Variants in SRD5A2 observed in about 807,000 individuals in gnomAD.
SRD5A2 encodes 3-oxo-5-alpha-steroid 4-dehydrogenase 2.
Under a neutral mutation model 27.4 loss-of-function variants are expected in SRD5A2, and 30 were observed. That is an observed-to-expected ratio of 1.10 (90% CI 0.82 to 1.49). The LOEUF (loss-of-function observed/expected upper bound fraction) is 1.49. Among genes scored for constraint, SRD5A2 ranks in the 40% most tolerant of loss-of-function variants. SRD5A2 has a pLI of 0.00. For missense variants in SRD5A2, 348 were observed against 323.4 expected (o/e 1.08, Z -0.58); for synonymous variants, 141 against 133.6 (o/e 1.06, Z -0.38).
chr2:31,639,665 T>G, the SRD5A2 span, among the ~76,000 whole-genome samples: 1 of 152,054 alleles, frequency 6.6e-6, no homozygotes. Context: ...CCTAAAATGT[T>G]GTTCCACTCC....
At chr2:31,534,013 TAATG>T (rs1430332880) in intron 1 of SRD5A2, among the ~76,000 whole-genome samples, 1 of 152,112 alleles carries the variant, frequency 6.6e-6, no homozygotes, top group African/African-American at 2.4e-5. Flanking sequence ...ATGTAATAAA[TAATG>T]AATAACATGT....
chr2:31,560,064 C>T (rs78390730), intron 1 of SRD5A2, among the ~76,000 whole-genome samples: 3 of 145,506 alleles, frequency 2.1e-5, no homozygotes, highest in Admixed American at 6.9e-5. Context: ...ATCCCCCCCC[C>T]CCCCTTTTTT....
intron 3 of SRD5A2, among the ~76,000 whole-genome samples, chr2:31,531,067 T>C (rs1558356657): frequency 6.6e-6 from 1 of 152,188 alleles, no homozygotes; most frequent in East Asian, 1.9e-4. Context: ...CAACCTTACC[T>C]ACTGCAATGA....
chr2:31,523,124 A>G lies in SRD5A2; in HGVS notation c.*3072T>C. Reference sequence around the variant, plus strand: ...TTTATGAAAGTAAGCATTAGGGATAAGGGGGTTTATGACCTGAAACCTTTT... The same window carrying G: ...TTTATGAAAGTAAGCATTAGGGATAGGGGGGTTTATGACCTGAAACCTTTT... On this transcript the variant is annotated 3_prime_UTR_variant, in exon 5 of 5. Coordinates refer to ENST00000622030, the MANE Select transcript of SRD5A2 (RefSeq NM_000348.4). 4.6e-6 allele frequency: 1 copy of G among 216,830 alleles called. No individual in the cohort carries two copies. The highest frequency in any genetic ancestry group is 9.3e-6 in the Non-Finnish European group (1 of 107,678). The allele number at this position is 216,830 out of a possible 1,614,324, so 13.4% of individuals were successfully genotyped here. A position where few individuals can be genotyped will look rare whatever the true frequency, so the allele number is the denominator to read the frequency against.
chr2:31,599,103 A>T, the SRD5A2 span, among the ~76,000 whole-genome samples: 4 of 152,030 alleles, frequency 2.6e-5, no homozygotes, highest in East Asian at 7.7e-4. Context: ...GGTCAATTCA[A>T]CAAGAGGATG....
chr2:31,657,235 G>T, the SRD5A2 span, among the ~76,000 whole-genome samples: 1 of 152,150 alleles, frequency 6.6e-6, no homozygotes, highest in East Asian at 1.9e-4. Flanking sequence ...ATAATATTAG[G>T]TGTTAATAAT....
intron 1 of SRD5A2, among the ~76,000 whole-genome samples, chr2:31,571,453 G>C (rs1371103475): frequency 5.3e-5 from 8 of 152,154 alleles, no homozygotes; most frequent in Non-Finnish European, 1.2e-4. Context: ...TCTGGACATA[G>C]GATCTGGCAA....
the SRD5A2 span, among the ~76,000 whole-genome samples, chr2:31,624,091 ATTT>A: frequency 6.6e-6 from 1 of 151,754 alleles, no homozygotes; most frequent in Non-Finnish European, 1.5e-5. Context: ...TTTGTTTTTA[ATTT>A]TTTAATTTTT....
chr2:31,602,148 T>C, the SRD5A2 span, among the ~76,000 whole-genome samples: 2 of 152,130 alleles, frequency 1.3e-5, no homozygotes, highest in African/African-American at 4.8e-5. Context: ...GACATGATTC[T>C]ATATTTAGAA....
the SRD5A2 span, among the ~76,000 whole-genome samples, chr2:31,639,391 T>C: frequency 6.6e-6 from 1 of 152,124 alleles, no homozygotes; most frequent in Non-Finnish European, 1.5e-5. Flanking sequence ...AAAACAGTGA[T>C]GGAGTATTCT....
chr2:31,641,125 G>A, the SRD5A2 span, among the ~76,000 whole-genome samples: 1 of 152,052 alleles, frequency 6.6e-6, no homozygotes, highest in Non-Finnish European at 1.5e-5. Context: ...AAAAATCTCA[G>A]TGTTGTATAT....
At chr2:31,557,352 G>C (rs1036748098) in intron 1 of SRD5A2, among the ~76,000 whole-genome samples, 1 of 152,234 alleles carries the variant, frequency 6.6e-6, no homozygotes, top group Non-Finnish European at 1.5e-5. Flanking sequence ...CCCAGTGGCA[G>C]ATTTAACTAA....
intron 1 of SRD5A2, 116 bp downstream of exon 1, chr2:31,580,504 C>T (rs1417687599): frequency 1.5e-6 from 2 of 1,308,088 alleles, no homozygotes; most frequent in Non-Finnish European, 2.0e-6. Context: ...CCGCGTTCCT[C>T]ACAGCGCCCC....
At position 31,524,774 on chromosome 2, in the gene SRD5A2, C is replaced by T. The variant is rs757100337; in HGVS notation, c.*1422G>A. ...TTTGCTAAATATTGACAATGCATTC[C>T]GCAAACATAGGCCTGAGAAGACAAA... On this transcript the variant is annotated 3_prime_UTR_variant, in exon 5 of 5. Coordinates refer to ENST00000622030, the MANE Select transcript of SRD5A2 (RefSeq NM_000348.4). 1.1e-4 allele frequency: 25 copies of T among 228,868 alleles called. No homozygotes were observed. The highest frequency in any genetic ancestry group is 1.5e-4 in the Non-Finnish European group (17 of 115,376). 14.2% of individuals were successfully genotyped at this position (228,868 alleles called of 1,614,324 possible). A position where few individuals can be genotyped will look rare whatever the true frequency, so the allele number is the denominator to read the frequency against.
rs980606324 is a variant in SRD5A2, at chr2:31,529,294, T to C, written c.698+13A>G. On this transcript the variant is annotated intron_variant, in intron 4 of 4. Transcript: ENST00000622030. Reference sequence around the variant, plus strand: ...AGCTACGTGAATGCTGCCGCTTTTATTGAAAAATTTACCTATGGTGGTGAA... The same window carrying C: ...AGCTACGTGAATGCTGCCGCTTTTACTGAAAAATTTACCTATGGTGGTGAA... The C allele has an allele frequency of 3.1e-6, 5 of 1,613,634 alleles. No homozygotes were observed. Among genetic ancestry groups the C allele is most frequent in the Middle Eastern group, 1.7e-4 (1 of 6,042 alleles).
chr2:31,624,416 A>G, the SRD5A2 span, among the ~76,000 whole-genome samples: 1 of 151,864 alleles, frequency 6.6e-6, no homozygotes, highest in Non-Finnish European at 1.5e-5. Flanking sequence ...CACAACATGC[A>G]GATTTGTTAC....
intron 1 of SRD5A2, among the ~76,000 whole-genome samples, chr2:31,579,205 A>G (rs903969531): frequency 6.6e-6 from 1 of 152,232 alleles, no homozygotes; most frequent in Non-Finnish European, 1.5e-5. Context: ...TTTTAAAAAG[A>G]GTGAGAATTC....
the SRD5A2 span, among the ~76,000 whole-genome samples, chr2:31,602,266 C>A: frequency 6.6e-6 from 1 of 151,858 alleles, no homozygotes; most frequent in Non-Finnish European, 1.5e-5. Flanking sequence ...TATACACCAA[C>A]AACAGGCAAG....
chr2:31,642,158 C>T, the SRD5A2 span, among the ~76,000 whole-genome samples: 1 of 152,002 alleles, frequency 6.6e-6, no homozygotes, highest in African/African-American at 2.4e-5. Context: ...GGAAAGTCTT[C>T]AATAAATAGT....
Sources: gnomAD v4.1 joint callset for allele counts (sites outside exome capture counted in the v4.1 genomes callset) on GRCh38, gnomAD v4.1.1 for gene constraint, MANE v1.5 for transcripts, NCBI Gene and HGNC (gene_info 2026-07-23, HGNC 2026-07-21) for gene names.